The following PRR16 variants were observed in gnomAD, a reference collection of about 807,000 sequenced individuals.
PRR16 encodes the protein proline rich 16, also known as protein Largen.
Under a neutral mutation model 18.2 loss-of-function variants are expected in PRR16, and 6 were observed. The ratio of observed to expected loss-of-function variants is 0.33; its 90% CI spans 0.18 to 0.65. The LOEUF (loss-of-function observed/expected upper bound fraction) is 0.65, where lower values mean the gene tolerates loss of function less well. Ranked by LOEUF, PRR16 falls within the 30% of genes least tolerant of loss-of-function variation. The pLI, the probability that PRR16 is intolerant of heterozygous loss-of-function variation, is 0.74. For missense variants in PRR16, 412 were observed against 376.6 expected (o/e 1.09, Z -0.78); for synonymous variants, 151 against 147.8 (o/e 1.02, Z -0.16).
intron 1 of PRR16, among the ~76,000 whole-genome samples, chr5:120,491,020 T>C (rs959504250): frequency 1.3e-5 from 2 of 152,186 alleles, no homozygotes; most frequent in African/African-American, 2.4e-5. Context: ...GGAAGTTTTG[T>C]CTCAGAGGAG....
intron 1 of PRR16, among the ~76,000 whole-genome samples, chr5:120,496,568 T>C (rs1161924393): frequency 6.6e-6 from 1 of 151,976 alleles, no homozygotes; most frequent in Non-Finnish European, 1.5e-5. Flanking sequence ...GTTTCATTCA[T>C]AGTATTGGTA....
chr5:120,744,073 T>C, the PRR16 span, among the ~76,000 whole-genome samples: 179 of 152,128 alleles, frequency 1.2e-3, 5 homozygotes, highest in East Asian at 0.032. Flanking sequence ...ACAATGTACA[T>C]AAAAGCTGAT....
chr5:120,721,179 A>G, the PRR16 span, among the ~76,000 whole-genome samples: 7 of 152,062 alleles, frequency 4.6e-5, no homozygotes, highest in Admixed American at 2.0e-4. Context: ...TTCAGTGACT[A>G]TTATTTACTA....
the PRR16 span, among the ~76,000 whole-genome samples, chr5:120,789,670 C>G: frequency 6.6e-6 from 1 of 151,922 alleles, no homozygotes; most frequent in South Asian, 2.1e-4. Context: ...ATCTGAAGTT[C>G]TAAACACTGT....
chr5:120,716,236 C>T, the PRR16 span, among the ~76,000 whole-genome samples: 1 of 152,094 alleles, frequency 6.6e-6, no homozygotes, highest in Admixed American at 6.6e-5. Context: ...ACTTTATGAC[C>T]AGCAGAGATC....
intron 1 of PRR16, among the ~76,000 whole-genome samples, chr5:120,596,802 C>A (rs1453348747): frequency 6.6e-6 from 1 of 150,568 alleles, no homozygotes; most frequent in Non-Finnish European, 1.5e-5. Context: ...TGTATAAGTC[C>A]AAATAAAATA....
In PRR16 at chr5:120,628,748, ATCATCTATCTG is replaced by A. The variant is rs1323623742; in HGVS notation, c.160-57203_160-57193del. On this transcript the variant is annotated intron_variant, in intron 1 of 1. Transcript: ENST00000407149. ...TATCTATCTATCTATCTATCTATCT[ATCATCTATCTG>A]TCTTTCCCATCTAACAGTAAGCATC... 2.2e-5 allele frequency among the ~76,000 whole-genome samples: 3 copies of A among 135,638 alleles called. No individual in the cohort carries two copies. The East Asian group carries it at 7.4e-4, about 33-fold the overall frequency. The allele number at this position is 135,638 out of a possible 152,430, so 89.0% of individuals were successfully genotyped here.
chr5:120,563,892 C>A (rs1012589099), intron 1 of PRR16, among the ~76,000 whole-genome samples: 12 of 152,178 alleles, frequency 7.9e-5, no homozygotes, highest in Non-Finnish European at 1.3e-4. Flanking sequence ...TATCTCAGAG[C>A]CCAAAGCACA....
At chr5:120,617,309 T>C (rs1754545603) in intron 1 of PRR16, 1 of 361,068 alleles carries the variant, frequency 2.8e-6, no homozygotes, top group Non-Finnish European at 3.9e-6. Flanking sequence ...AGAGTTGCAA[T>C]TAACAATCAG....
intron 1 of PRR16, among the ~76,000 whole-genome samples, chr5:120,485,771 A>C (rs1749777209): frequency 6.6e-6 from 1 of 152,046 alleles, no homozygotes; most frequent in Non-Finnish European, 1.5e-5. Flanking sequence ...CTAACATTAG[A>C]TATATCTCCC....
At chr5:120,786,947 A>T in the PRR16 span, among the ~76,000 whole-genome samples, 1 of 152,148 alleles carries the variant, frequency 6.6e-6, no homozygotes. Flanking sequence ...AGTGCTTGAA[A>T]ACTTTGACCT....
At chr5:120,545,865 G>A (rs566996621) in intron 1 of PRR16, among the ~76,000 whole-genome samples, 159 of 152,060 alleles carry the variant, frequency 1.0e-3, no homozygotes, top group African/African-American at 3.7e-3. Flanking sequence ...TCAACAGCTT[G>A]AAAAGTAGGA....
chr5:120,547,092 G>A lies in PRR16; in HGVS notation c.159+82447G>A, dbSNP rs1323602787. On this transcript the variant is annotated intron_variant, in intron 1 of 1. Transcript: ENST00000407149. ...TTGTAAATTGTCATGGTGCTGGAGG[G>A]AAGTGGGAGTGTCTTCATGTTAATG... Among the ~76,000 whole-genome samples the A allele has an allele frequency of 2.6e-5, 4 of 151,984 alleles. No individual in the cohort carries two copies. The East Asian group carries it at 7.7e-4, about 29-fold the overall frequency.
At chr5:120,576,796 T>C (rs1236689710) in intron 1 of PRR16, among the ~76,000 whole-genome samples, 1 of 152,074 alleles carries the variant, frequency 6.6e-6, no homozygotes, top group African/African-American at 2.4e-5. Flanking sequence ...GCCTTAATAC[T>C]CTGACTGGAA....
chr5:120,667,853 C>T (rs1167486689), intron 1 of PRR16, among the ~76,000 whole-genome samples: 2 of 152,056 alleles, frequency 1.3e-5, no homozygotes, highest in Non-Finnish European at 2.9e-5. Context: ...TTTACATTTG[C>T]TGAGGAGAGC....
At chr5:120,657,517 G>T (rs1756023531) in intron 1 of PRR16, among the ~76,000 whole-genome samples, 1 of 151,866 alleles carries the variant, frequency 6.6e-6, no homozygotes, top group Non-Finnish European at 1.5e-5. Context: ...TGGAGAGCTG[G>T]TTGTTAGACA....
intron 1 of PRR16, among the ~76,000 whole-genome samples, chr5:120,536,626 G>C (rs1283864029): frequency 6.6e-6 from 1 of 152,174 alleles, no homozygotes; most frequent in African/African-American, 2.4e-5. Flanking sequence ...GGAAAAAGGT[G>C]TGATATATGT....
chr5:120,532,173 C>T (rs1325808544), intron 1 of PRR16, among the ~76,000 whole-genome samples: 1 of 152,098 alleles, frequency 6.6e-6, no homozygotes, highest in African/African-American at 2.4e-5. Context: ...TTGCCCAATT[C>T]CTTTCTTAGG....
intron 1 of PRR16, among the ~76,000 whole-genome samples, chr5:120,474,928 C>T (rs1749392242): frequency 6.6e-6 from 1 of 152,154 alleles, no homozygotes; most frequent in Non-Finnish European, 1.5e-5. Flanking sequence ...TTGTCTCATC[C>T]ATCAATTAGT....
Sources: allele counts gnomAD v4.1 joint callset (sites outside exome capture counted in the v4.1 genomes callset), GRCh38; gene constraint gnomAD v4.1.1; transcripts MANE v1.5; gene names NCBI Gene and HGNC (gene_info 2026-07-23, HGNC 2026-07-21).